The following TNR variants were observed in gnomAD, a reference collection of about 807,000 sequenced individuals.
TNR encodes the protein tenascin R, also known as tenascin-R.
TNR carries 45 observed loss-of-function variants against 150.4 expected under a neutral mutation model. The observed-to-expected ratio is 0.30, with a 90% CI of 0.24 to 0.38. The LOEUF is 0.38. TNR is among the 10% of genes least tolerant of loss of function. The pLI is 1.00. For synonymous variants in TNR, 687 were observed against 678.4 expected (o/e 1.01, Z -0.20); for missense variants, 1,544 against 1,759.1 (o/e 0.88, Z 2.19).
chr1:175,357,140 G>C (rs1423635634), intron 15 of TNR, among the ~76,000 whole-genome samples: 1 of 152,080 alleles, frequency 6.6e-6, no homozygotes, highest in Non-Finnish European at 1.5e-5. Context: ...ACAGAGCTTT[G>C]CATTTATTTC....
chr1:175,662,099 C>A (rs919792785), intron 1 of TNR, among the ~76,000 whole-genome samples: 5 of 152,234 alleles, frequency 3.3e-5, no homozygotes, highest in Middle Eastern at 3.4e-3. Flanking sequence ...GGATTAGGAC[C>A]AGAAACCACA....
At chr1:175,438,775 T>C (rs1229244303) in intron 2 of TNR, among the ~76,000 whole-genome samples, 1 of 152,174 alleles carries the variant, frequency 6.6e-6, no homozygotes, top group East Asian at 1.9e-4. Context: ...CCATTCACAA[T>C]TGCTACAAAG....
chr1:175,529,015 G>T (rs571847258), intron 1 of TNR, among the ~76,000 whole-genome samples: 1 of 152,216 alleles, frequency 6.6e-6, no homozygotes, highest in African/African-American at 2.4e-5. Flanking sequence ...TCCAACAGAA[G>T]CAGTGGCATC....
At chr1:175,617,797 T>C (rs1663830907) in intron 1 of TNR, among the ~76,000 whole-genome samples, 1 of 152,238 alleles carries the variant, frequency 6.6e-6, no homozygotes, top group Non-Finnish European at 1.5e-5. Context: ...CTACACAACA[T>C]CTTTTTTTAT....
intron 2 of TNR, among the ~76,000 whole-genome samples, chr1:175,487,939 T>C (rs1437437841): frequency 6.6e-6 from 1 of 152,210 alleles, no homozygotes; most frequent in Non-Finnish European, 1.5e-5. Context: ...ACACAGGGTG[T>C]GTGCAGGAGA....
intron 4 of TNR, among the ~76,000 whole-genome samples, chr1:175,399,901 C>T (rs1653616933): frequency 6.6e-6 from 1 of 152,152 alleles, no homozygotes; most frequent in Non-Finnish European, 1.5e-5. Context: ...TGTCTTACTC[C>T]AAAGAGTAAG....
At chr1:175,706,233 A>C (rs1374920237) in intron 1 of TNR, among the ~76,000 whole-genome samples, 1 of 152,214 alleles carries the variant, frequency 6.6e-6, no homozygotes, top group African/African-American at 2.4e-5. Context: ...GGATTTAATT[A>C]ACTTTAAATT....
intron 1 of TNR, among the ~76,000 whole-genome samples, chr1:175,735,302 G>A (rs1182732941): frequency 2.6e-5 from 4 of 152,150 alleles, no homozygotes; most frequent in Admixed American, 2.6e-4. Context: ...TGGCCAGTTG[G>A]GAGGAGGGAA....
chr1:175,562,476 T>G (rs1661469095), intron 1 of TNR, among the ~76,000 whole-genome samples: 3 of 152,240 alleles, frequency 2.0e-5, no homozygotes. Flanking sequence ...CAACTGGAAT[T>G]CAATAGAGAT....
chr1:175,614,499 A>T (rs1466960188), intron 1 of TNR, among the ~76,000 whole-genome samples: 1 of 152,188 alleles, frequency 6.6e-6, no homozygotes, highest in Admixed American at 6.5e-5. Context: ...TTCTTGGCAG[A>T]ATGTCTGACT....
intron 1 of TNR, among the ~76,000 whole-genome samples, chr1:175,539,909 G>C (rs1259070662): frequency 1.3e-5 from 2 of 152,188 alleles, no homozygotes; most frequent in Non-Finnish European, 2.9e-5. Context: ...GGGACACCCA[G>C]AGAGAAGAGG....
intron 1 of TNR, among the ~76,000 whole-genome samples, chr1:175,736,896 C>T (rs896474215): frequency 3.9e-5 from 6 of 152,056 alleles, no homozygotes; most frequent in Admixed American, 2.6e-4. Flanking sequence ...AGGTACATGC[C>T]TGTAGTCCCA....
chr1:175,371,808 T>C (rs1652117889), intron 9 of TNR, among the ~76,000 whole-genome samples: 1 of 152,204 alleles, frequency 6.6e-6, no homozygotes, highest in Non-Finnish European at 1.5e-5. Context: ...TCTCTTGTTA[T>C]TTTCTGACTC....
At position 175,359,139 on chromosome 1, in the gene TNR, C is replaced by CTTTTTTTTTTTTTTTTTTT; in HGVS notation, c.2974+454_2974+472dup. ...AGTTTGCAGAGTTTGGGGATATCTT[C>CTTTTTTTTTTTTTTTTTTT]TTTTTTTTTTTTTTTTTTTTTTTTT... On this transcript the variant is annotated intron_variant, in intron 15 of 22. Coordinates refer to ENST00000367674, the MANE Select transcript of TNR (RefSeq NM_003285.3). 3.8e-3 allele frequency among the ~76,000 whole-genome samples: 161 copies of CTTTTTTTTTTTTTTTTTTT among 42,142 alleles called. 49 individuals carry two copies. The highest frequency in any genetic ancestry group is 5.0e-3 in the East Asian group (6 of 1,190). 27.6% of individuals were successfully genotyped at this position (42,142 alleles called of 152,430 possible). A position where few individuals can be genotyped will look rare whatever the true frequency, so the allele number is the denominator to read the frequency against.
intron 1 of TNR, among the ~76,000 whole-genome samples, chr1:175,669,233 G>C (rs2101901681): frequency 6.6e-6 from 1 of 152,334 alleles, no homozygotes; most frequent in East Asian, 1.9e-4. Flanking sequence ...TATCATCACA[G>C]TCCTGCTCCA....
chr1:175,359,095 C>T (rs1651462857), intron 15 of TNR, among the ~76,000 whole-genome samples: 1 of 141,224 alleles, frequency 7.1e-6, no homozygotes, highest in South Asian at 2.2e-4. Flanking sequence ...TCAGCTTTCT[C>T]AGCTCCTAGA....
At chr1:175,430,263 T>C (rs1655204668) in intron 2 of TNR, among the ~76,000 whole-genome samples, 1 of 152,112 alleles carries the variant, frequency 6.6e-6, no homozygotes. Context: ...AGTTAAATAA[T>C]GGCCAAAGTA....
chr1:175,475,881 C>G (rs970495947), intron 2 of TNR, among the ~76,000 whole-genome samples: 1 of 152,194 alleles, frequency 6.6e-6, no homozygotes, highest in South Asian at 2.1e-4. Context: ...CTAAAACTGG[C>G]ATTTCTTCCA....
chr1:175,342,776 T>G (rs1258798408), intron 18 of TNR, among the ~76,000 whole-genome samples: 19 of 152,248 alleles, frequency 1.2e-4, no homozygotes, highest in Non-Finnish European at 2.8e-4. Flanking sequence ...ACCACCTGCC[T>G]TCTGCCCAAG....
Sources: gnomAD v4.1 joint callset for allele counts (sites outside exome capture counted in the v4.1 genomes callset) on GRCh38, gnomAD v4.1.1 for gene constraint, MANE v1.5 for transcripts, NCBI Gene and HGNC (gene_info 2026-07-23, HGNC 2026-07-21) for gene names.